TMTC1: variants seen among roughly 807,000 people sequenced by gnomAD.
TMTC1 encodes protein O-mannosyl-transferase TMTC1.
TMTC1 carries 73 observed loss-of-function variants against 104.8 expected under a neutral mutation model. That is an observed-to-expected ratio of 0.70 (90% CI 0.58 to 0.85). The LOEUF is 0.85. Ranked by LOEUF, TMTC1 falls within the 40% of genes least tolerant of loss-of-function variation. The probability of loss-of-function intolerance (pLI) is 0.00; values close to 1 mark genes in which losing one functional copy is unlikely to be tolerated. For synonymous variants in TMTC1, 434 were observed against 428.7 expected (o/e 1.01, Z -0.15); for missense variants, 1,035 against 1,096.1 (o/e 0.94, Z 0.79).
chr12:29,625,365 C>T (rs1290200802), intron 6 of TMTC1, among the ~76,000 whole-genome samples: 2 of 152,156 alleles, frequency 1.3e-5, no homozygotes, highest in African/African-American at 4.8e-5. Flanking sequence ...GACTGTAAGG[C>T]CTGATTCCTA....
At chr12:29,661,457 C>T (rs1940021174) in intron 5 of TMTC1, 5 of 436,562 alleles carry the variant, frequency 1.1e-5, no homozygotes, top group South Asian at 9.7e-5. Flanking sequence ...GAGTTTTGCT[C>T]GTCGCCCAGG....
chr12:29,601,604 A>C lies in TMTC1; in HGVS notation c.1250+2574T>G, dbSNP rs554393206. ...GATGTTCCTATCAGGGAAGCAATAT[A>C]GTCTGGAAGGTAAGAGATCTGTAGT... On this transcript the variant is annotated intron_variant, in intron 7 of 17. Coordinates refer to ENST00000539277, the MANE Select transcript of TMTC1 (RefSeq NM_001193451.2). Among the ~76,000 whole-genome samples the C allele has an allele frequency of 5.4e-4, 82 of 151,642 alleles. 1 individual carries two copies. The highest frequency in any genetic ancestry group is 3.7e-3 in the East Asian group (19 of 5,172).
chr12:29,530,984 C>T (rs73263809), intron 11 of TMTC1, among the ~76,000 whole-genome samples: 5,498 of 152,220 alleles, frequency 0.036, 222 homozygotes, highest in African/African-American at 0.1. Context: ...TATTCCTCTC[C>T]CACATTAGGT....
chr12:29,515,553 C>T (rs1450973850), intron 15 of TMTC1, among the ~76,000 whole-genome samples: 1 of 152,130 alleles, frequency 6.6e-6, no homozygotes, highest in Non-Finnish European at 1.5e-5. Flanking sequence ...AACTCTTATT[C>T]TTCATCCAGC....
intron 5 of TMTC1, among the ~76,000 whole-genome samples, chr12:29,636,869 A>T (rs183131366): frequency 6.6e-6 from 1 of 150,602 alleles, no homozygotes; most frequent in East Asian, 2.0e-4. Context: ...ACACAGCAAG[A>T]CCTCATCTCT....
chr12:29,689,999 C>T (rs1201742454), intron 5 of TMTC1, among the ~76,000 whole-genome samples: 1 of 152,136 alleles, frequency 6.6e-6, no homozygotes, highest in Admixed American at 6.5e-5. Flanking sequence ...ACAGCCATGC[C>T]CACACTTAGG....
At chr12:29,627,027 G>A (rs368419431) in intron 6 of TMTC1, among the ~76,000 whole-genome samples, 16 of 152,098 alleles carry the variant, frequency 1.1e-4, no homozygotes, top group African/African-American at 2.9e-4. Flanking sequence ...GCTTGAGCCC[G>A]GGAGGCGGAG....
rs79975969 is a variant in TMTC1, at chr12:29,694,272, C to T, written c.938+57394G>A. 3.8e-3 allele frequency among the ~76,000 whole-genome samples: 583 copies of T among 152,254 alleles called. 2 individuals carry two copies. Among genetic ancestry groups the T allele is most frequent in the Non-Finnish European group, 4.4e-3 (302 of 68,022 alleles). Reference sequence around the variant, plus strand: ...GCATCATTAACACATAATTGTTACTCAACAAAACTTTCTGAAGCTTACATG... The same window carrying T: ...GCATCATTAACACATAATTGTTACTTAACAAAACTTTCTGAAGCTTACATG... On this transcript the variant is annotated intron_variant, in intron 5 of 17. Coordinates refer to ENST00000539277, the MANE Select transcript of TMTC1 (RefSeq NM_001193451.2).
At chr12:29,670,523 C>G (rs943811409) in intron 5 of TMTC1, among the ~76,000 whole-genome samples, 2 of 152,200 alleles carry the variant, frequency 1.3e-5, no homozygotes, top group African/African-American at 2.4e-5. Context: ...GCTCTGCTAC[C>G]TCTCACGGCA....
At chr12:29,564,176 GGGAGAAGATGACC>G (rs1945449463) in intron 9 of TMTC1, among the ~76,000 whole-genome samples, 1 of 152,190 alleles carries the variant, frequency 6.6e-6, no homozygotes, top group African/African-American at 2.4e-5. Context: ...GCAAGTTTTG[GGGAGAAGATGACC>G]AGTCAAGTTT....
chr12:29,713,417 A>G (rs1214817833), intron 5 of TMTC1, among the ~76,000 whole-genome samples: 1 of 151,914 alleles, frequency 6.6e-6, no homozygotes, highest in Non-Finnish European at 1.5e-5. Context: ...ATCAGTTTGG[A>G]GAACATTTGT....
chr12:29,527,609 C>A (rs1027811322), intron 11 of TMTC1, among the ~76,000 whole-genome samples: 13 of 152,180 alleles, frequency 8.5e-5, no homozygotes, highest in African/African-American at 2.9e-4. Flanking sequence ...TCTTTATAAC[C>A]AAGCTAGTTA....
rs961010645 is a variant in TMTC1, at chr12:29,504,196, G to C, written c.*2650C>G. ...CAAAAATTGCACATCCATGAGGCCA[G>C]CTGAGCTCCTCCATTTCAAGAAGGT... On this transcript the variant is annotated 3_prime_UTR_variant, in exon 18 of 18. Coordinates refer to ENST00000539277, the MANE Select transcript of TMTC1 (RefSeq NM_001193451.2). 4 of 151,778 alleles carry C rather than the reference G, an allele frequency of 2.6e-5. No individual in the cohort carries two copies. Among genetic ancestry groups the C allele is most frequent in the Non-Finnish European group, 4.4e-5 (3 of 67,968 alleles). The allele number at this position is 151,778 out of a possible 1,614,324, so 9.4% of individuals were successfully genotyped here. A position where few individuals can be genotyped will look rare whatever the true frequency, so the allele number is the denominator to read the frequency against.
intron 10 of TMTC1, among the ~76,000 whole-genome samples, chr12:29,543,149 T>C (rs1944848304): frequency 6.6e-6 from 1 of 152,214 alleles, no homozygotes; most frequent in Non-Finnish European, 1.5e-5. Context: ...CATTAAACAC[T>C]TGTAGTTTCA....
chr12:29,615,675 T>TTACAA (rs1565711601), intron 6 of TMTC1, among the ~76,000 whole-genome samples: 1 of 152,172 alleles, frequency 6.6e-6, no homozygotes, highest in African/African-American at 2.4e-5. Context: ...AACATCTATA[T>TTACAA]ACACATTTCT....
chr12:29,648,860 A>AT (rs1243312730), intron 5 of TMTC1, among the ~76,000 whole-genome samples: 2 of 152,074 alleles, frequency 1.3e-5, no homozygotes, highest in Admixed American at 6.6e-5. Flanking sequence ...GATTTTTTAC[A>AT]TTTTTTTCTT....
At chr12:29,695,616 T>C (rs2136774144) in intron 5 of TMTC1, among the ~76,000 whole-genome samples, 1 of 151,886 alleles carries the variant, frequency 6.6e-6, no homozygotes, top group South Asian at 2.1e-4. Context: ...CATCCACAGG[T>C]TTTAAGGATT....
intron 6 of TMTC1, among the ~76,000 whole-genome samples, chr12:29,622,094 G>A (rs1783016520): frequency 1.3e-5 from 2 of 152,258 alleles, no homozygotes; most frequent in African/African-American, 4.8e-5. Context: ...AGGGAGGGGA[G>A]AGACAGGACT....
chr12:29,709,475 A>C (rs1941839806), intron 5 of TMTC1, among the ~76,000 whole-genome samples: 1 of 152,216 alleles, frequency 6.6e-6, no homozygotes, highest in South Asian at 2.1e-4. Flanking sequence ...GAAAAGAAAA[A>C]ATATTTCCAC....
Sources: allele counts gnomAD v4.1 joint callset (sites outside exome capture counted in the v4.1 genomes callset), GRCh38; gene constraint gnomAD v4.1.1; transcripts MANE v1.5; gene names NCBI Gene and HGNC (gene_info 2026-07-23, HGNC 2026-07-21).